The following MNAT1 variants were observed in gnomAD, a reference collection of about 807,000 sequenced individuals.
MNAT1 encodes MNAT1 component of CDK activating kinase, also known as CDK-activating kinase assembly factor MAT1.
Under a neutral mutation model 42.0 loss-of-function variants are expected in MNAT1, and 43 were observed. The observed-to-expected ratio is 1.02, with a 90% CI of 0.80 to 1.32. The LOEUF is 1.32. Among genes scored for constraint, MNAT1 ranks in the 40% most tolerant of loss-of-function variants. The pLI is 0.00. For synonymous variants in MNAT1, 118 were observed against 120.0 expected (o/e 0.98, Z 0.11); for missense variants, 306 against 350.4 (o/e 0.87, Z 1.01).
chr14:60,932,796 T>C (rs2035916890), intron 7 of MNAT1, among the ~76,000 whole-genome samples: 1 of 152,068 alleles, frequency 6.6e-6, no homozygotes, highest in South Asian at 2.1e-4. Flanking sequence ...TACTTATTTC[T>C]GAATAGCTAA....
intron 7 of MNAT1, among the ~76,000 whole-genome samples, chr14:60,881,439 C>G (rs987124578): frequency 6.6e-6 from 1 of 152,050 alleles, no homozygotes; most frequent in African/African-American, 2.4e-5. Context: ...CCCACCTTGG[C>G]CCCCCAAAAG....
At chr14:60,768,855 A>C (rs1333948979) in intron 1 of MNAT1, among the ~76,000 whole-genome samples, 2 of 152,132 alleles carry the variant, frequency 1.3e-5, no homozygotes, top group Non-Finnish European at 2.9e-5. Flanking sequence ...CTTTGTATAA[A>C]CCCTTTTTGT....
chr14:60,956,056 TC>T (rs1256047458), intron 7 of MNAT1, among the ~76,000 whole-genome samples: 1 of 152,126 alleles, frequency 6.6e-6, no homozygotes, highest in African/African-American at 2.4e-5. Flanking sequence ...ACTTTGGGCT[TC>T]CTTACACTAA....
intron 6 of MNAT1, among the ~76,000 whole-genome samples, chr14:60,872,709 A>G (rs1443355960): frequency 6.6e-6 from 1 of 151,606 alleles, no homozygotes; most frequent in African/African-American, 2.4e-5. Context: ...TCCATGATCT[A>G]TTTTAAACAT....
At chr14:60,836,779 C>G (rs1328589285) in intron 6 of MNAT1, among the ~76,000 whole-genome samples, 8 of 152,200 alleles carry the variant, frequency 5.3e-5, no homozygotes, top group African/African-American at 1.9e-4. Flanking sequence ...GCCAGGAGAT[C>G]TGCTGCTCTC....
intron 7 of MNAT1, among the ~76,000 whole-genome samples, chr14:60,890,810 G>A (rs559358505): frequency 2.0e-5 from 3 of 152,278 alleles, no homozygotes; most frequent in South Asian, 4.2e-4. Context: ...ATTAGGTGGT[G>A]CCCACCCAGA....
At position 60,847,232 on chromosome 14, in the gene MNAT1, G is replaced by A. The variant is rs571686000; in HGVS notation, c.687+28385G>A. Among the ~76,000 whole-genome samples the A allele has an allele frequency of 2.9e-3, 442 of 151,900 alleles. 2 individuals carry two copies. Among genetic ancestry groups the A allele is most frequent in the African/African-American group, 0.01 (425 of 41,434 alleles). Reference sequence around the variant, plus strand: ...ATCCTGGCTAACACGGTGAAACCCCGTCTCTACTAAAAATACAAAAAATTA... The same window carrying A: ...ATCCTGGCTAACACGGTGAAACCCCATCTCTACTAAAAATACAAAAAATTA... On this transcript the variant is annotated intron_variant, in intron 6 of 7. Transcript: ENST00000261245.
rs2032003422 is a variant in MNAT1, at chr14:60,795,937, TCC to T, written c.90-278_90-277del. On this transcript the variant is annotated intron_variant, in intron 1 of 7. Transcript: ENST00000261245. ...AGCCTTTTACATGCTCTTTGACTTCTCCCTATCCTGCTCTTCTTCCTAGTCTC... is the reference window on the plus strand; with the variant it reads ...AGCCTTTTACATGCTCTTTGACTTCTCTATCCTGCTCTTCTTCCTAGTCTC... Among the ~76,000 whole-genome samples, 8 of 152,192 alleles carry T rather than the reference TCC, an allele frequency of 5.3e-5. 1 individual carries two copies.
At chr14:60,922,655 G>A (rs1566559728) in intron 7 of MNAT1, among the ~76,000 whole-genome samples, 1 of 151,972 alleles carries the variant, frequency 6.6e-6, no homozygotes, top group Non-Finnish European at 1.5e-5. Context: ...AACTTCTAGG[G>A]GAGGGAGAGG....
chr14:60,778,683 G>C (rs1276150852), intron 1 of MNAT1, among the ~76,000 whole-genome samples: 1 of 152,126 alleles, frequency 6.6e-6, no homozygotes, highest in East Asian at 1.9e-4. Context: ...GAATCCACTG[G>C]TCTTAACTCA....
intron 7 of MNAT1, among the ~76,000 whole-genome samples, chr14:60,914,047 G>A (rs549964309): frequency 7.7e-4 from 118 of 152,310 alleles, no homozygotes; most frequent in Non-Finnish European, 1.5e-3. Context: ...CCCCAGCCTC[G>A]CTGCCGCCTT....
chr14:60,917,225 C>T (rs2035540930), intron 7 of MNAT1, among the ~76,000 whole-genome samples: 1 of 152,036 alleles, frequency 6.6e-6, no homozygotes. Context: ...ATGGAGAGGT[C>T]CTCTAACTTC....
intron 1 of MNAT1, among the ~76,000 whole-genome samples, chr14:60,762,808 T>C (rs570253905): frequency 2.2e-4 from 33 of 152,178 alleles, no homozygotes; most frequent in East Asian, 1.4e-3. Context: ...TTTTTCTATA[T>C]GCTAAACCAA....
At chr14:60,818,923 T>G (rs929765009) in intron 6 of MNAT1, 76 bp downstream of exon 6, 2 of 1,501,558 alleles carry the variant, frequency 1.3e-6, no homozygotes, top group Non-Finnish European at 1.8e-6. Flanking sequence ...ACGATTTCTA[T>G]AGTAAACCGA....
intron 2 of MNAT1, among the ~76,000 whole-genome samples, chr14:60,796,603 G>A (rs1020996441): frequency 1.3e-5 from 2 of 152,068 alleles, no homozygotes; most frequent in Non-Finnish European, 2.9e-5. Context: ...CATGTATTGA[G>A]TACCTACTAT....
chr14:60,746,761 C>T (rs1896628440), intron 1 of MNAT1, among the ~76,000 whole-genome samples: 1 of 149,824 alleles, frequency 6.7e-6, no homozygotes, highest in South Asian at 2.1e-4. Flanking sequence ...TGCTAATATA[C>T]TTAGTTACTT....
At chr14:60,967,904 G>A (rs910102057) in intron 7 of MNAT1, among the ~76,000 whole-genome samples, 11 of 152,134 alleles carry the variant, frequency 7.2e-5, no homozygotes, top group Non-Finnish European at 1.5e-4. Context: ...GCATTAGTTA[G>A]GTGTCCAAAA....
At chr14:60,763,094 C>T (rs573404968) in intron 1 of MNAT1, among the ~76,000 whole-genome samples, 4 of 152,076 alleles carry the variant, frequency 2.6e-5, no homozygotes, top group South Asian at 4.1e-4. Flanking sequence ...TCATACCTGG[C>T]TTTTTCTCCA....
At chr14:60,840,085 T>C (rs1474703423) in intron 6 of MNAT1, among the ~76,000 whole-genome samples, 1 of 152,248 alleles carries the variant, frequency 6.6e-6, no homozygotes, top group Non-Finnish European at 1.5e-5. Context: ...GATTATTGAT[T>C]TGAGGTTTTT....
Sources: gnomAD v4.1 joint callset for allele counts (sites outside exome capture counted in the v4.1 genomes callset) on GRCh38, gnomAD v4.1.1 for gene constraint, MANE v1.5 for transcripts, NCBI Gene and HGNC (gene_info 2026-07-23, HGNC 2026-07-21) for gene names.